Variants in CFAP47 observed in about 807,000 individuals in gnomAD.
CFAP47 encodes cilia- and flagella-associated protein 47.
A neutral mutation model predicts 148.1 loss-of-function variants in CFAP47; 29 were observed. That is an observed-to-expected ratio of 0.20 (90% CI 0.15 to 0.27). The LOEUF (loss-of-function observed/expected upper bound fraction) is 0.27, where lower values mean the gene tolerates loss of function less well. CFAP47 is among the 10% of genes least tolerant of loss of function. CFAP47 has a pLI of 1.00. For synonymous variants in CFAP47, 664 were observed against 577.3 expected, an observed-to-expected ratio of 1.15 and a Z score of -2.15; for missense variants, 1,872 against 1,697.5, an observed-to-expected ratio of 1.10 and a Z score of -1.81.
At chrX:36,230,409 T>C (rs1429845200) in intron 46 of CFAP47, among the ~76,000 whole-genome samples, 3 of 109,501 alleles carry the variant, frequency 2.7e-5, no homozygotes, top group Non-Finnish European at 5.7e-5. Context: ...AAATGTCTTC[T>C]TTTGAGAAGT....
intron 57 of CFAP47, among the ~76,000 whole-genome samples, chrX:36,326,332 A>AC (rs1569318192): frequency 6.9e-5 from 7 of 101,873 alleles, no homozygotes; most frequent in African/African-American, 2.8e-4. Context: ...CACACACACA[A>AC]ACGTGCTAGG....
intron 35 of CFAP47, among the ~76,000 whole-genome samples, chrX:36,141,708 A>G (rs970020742): frequency 2.7e-5 from 3 of 112,567 alleles, no homozygotes; most frequent in African/African-American, 9.7e-5. Flanking sequence ...ATAAAAAGAT[A>G]AAGCCAGACA....
At chrX:36,155,178 A>G (rs186707516) in intron 37 of CFAP47, among the ~76,000 whole-genome samples, 4 of 110,841 alleles carry the variant, frequency 3.6e-5, no homozygotes, top group Non-Finnish European at 7.6e-5. Context: ...TTGAGGTACC[A>G]TATCTTCATA....
At chrX:36,241,608 C>T (rs1555996033) in intron 48 of CFAP47, among the ~76,000 whole-genome samples, 1 of 111,919 alleles carries the variant, frequency 8.9e-6, no homozygotes, top group Non-Finnish European at 1.9e-5. Flanking sequence ...TGACCCCTAG[C>T]TGTGGGCCTG....
intron 33 of CFAP47, among the ~76,000 whole-genome samples, chrX:36,117,637 G>T (rs765740559): frequency 1.8e-5 from 2 of 111,643 alleles, no homozygotes; most frequent in Admixed American, 1.9e-4. Flanking sequence ...ATATATTCTG[G>T]TTATTAATCC....
chrX:36,046,873 C>A lies in CFAP47; in HGVS notation c.4027C>A (p.Gln1343Lys). 1 of 1,157,913 alleles carries A rather than the reference C, an allele frequency of 8.6e-7. No homozygotes were observed. The highest frequency in any genetic ancestry group is 1.2e-6 in the Non-Finnish European group (1 of 866,963). ...NYFRNSTLCVQIPTVRLLDGE... is the reference protein window; with the variant it reads ...NYFRNSTLCVKIPTVRLLDGE... ...AAACAGAAATTCAACTCTATGTGTC[C>A]AGATTCCCACAGTAAGGCTTCTTGA... Residue 1343 changes from glutamine to lysine, a missense_variant, in exon 26 of 64, where the codon CAG (glutamine) becomes AAG (lysine). Physicochemically the swap from Gln to Lys is moderately conservative, Grantham distance 53 (BLOSUM62 1). Transcript: ENST00000378653.
chrX:36,003,271 G>A (rs942686729), intron 21 of CFAP47, among the ~76,000 whole-genome samples: 1 of 108,620 alleles, frequency 9.2e-6, no homozygotes, highest in South Asian at 4.0e-4. Flanking sequence ...TTGCATTGTG[G>A]AATAAATCTC....
In CFAP47 at chrX:36,073,190, A is replaced by G; in HGVS notation, c.4517A>G (p.Glu1506Gly). 1 of 1,210,684 alleles carries G rather than the reference A, an allele frequency of 8.3e-7. No homozygotes were observed. Among genetic ancestry groups the G allele is most frequent in the Non-Finnish European group, 1.1e-6 (1 of 894,706 alleles). Residue 1506 changes from glutamate (E) to glycine (G), a missense_variant, in exon 29 of 64, where the codon GAG becomes GGG. Transcript: ENST00000378653. ...NLHLDESETSEEDHGSLEKEK... is the reference protein window; with the variant it reads ...NLHLDESETSGEDHGSLEKEK... The stretch of plus-strand genomic sequence containing the variant: ...CACTTGGATGAAAGTGAAACATCAG[A>G]GGAAGATCATGGGTCTCTGGAAAAG...
intron 33 of CFAP47, among the ~76,000 whole-genome samples, chrX:36,118,798 A>C (rs1194754694): frequency 8.9e-6 from 1 of 111,988 alleles, no homozygotes; most frequent in Non-Finnish European, 1.9e-5. Flanking sequence ...ATCTTTAGTT[A>C]AGGAAATTCC....
intron 61 of CFAP47, among the ~76,000 whole-genome samples, chrX:36,365,321 G>A (rs1941865432): frequency 9.1e-6 from 1 of 110,183 alleles, no homozygotes; most frequent in Non-Finnish European, 1.9e-5. Flanking sequence ...CCTATTGAAA[G>A]AACATTTTAA....
chrX:36,264,603 C>T (rs1281634712), intron 49 of CFAP47, among the ~76,000 whole-genome samples: 2 of 111,891 alleles, frequency 1.8e-5, no homozygotes, highest in African/African-American at 3.3e-5. Context: ...AGATGCTCTC[C>T]GCTCACTGCC....
chrX:36,325,640 G>A (rs1387116713), intron 57 of CFAP47, among the ~76,000 whole-genome samples: 1 of 110,708 alleles, frequency 9.0e-6, no homozygotes, highest in African/African-American at 3.3e-5. Context: ...GGGGACAAAG[G>A]TGTCAGCTCA....
rs751681019 is a variant in CFAP47, at chrX:36,098,794, G to A, written c.4918G>A (p.Ala1640Thr). The change falls in exon 31 of 64, where the codon GCT becomes ACT. Residue 1640 changes from alanine (A) to threonine (T), a missense_variant and splice_region_variant. Coordinates refer to ENST00000378653, the MANE Select transcript of CFAP47 (RefSeq NM_001304548.2). ...QHSSLLDFLN[A>T]QGGCISHVLP... ...TGAGTTTTTCTTTTTTAATTTTAGT[G>A]CTCAAGGAGGATGTATTTCACATGT... 21 of 1,155,111 alleles carry A rather than the reference G, an allele frequency of 1.8e-5. No individual in the cohort carries two copies. The highest frequency in any genetic ancestry group is 2.5e-5 in the Non-Finnish European group (21 of 851,678).
At chrX:36,173,427 G>T in intron 39 of CFAP47, among the ~76,000 whole-genome samples, 1 of 111,503 alleles carries the variant, frequency 9.0e-6, no homozygotes. Context: ...GCTTTCTCTT[G>T]TGGGCATTTA....
chrX:36,237,685 A>T (rs1163626945), intron 48 of CFAP47, among the ~76,000 whole-genome samples: 3 of 111,853 alleles, frequency 2.7e-5, no homozygotes, highest in Non-Finnish European at 5.6e-5. Flanking sequence ...TGGTTTGTTT[A>T]AACCAATCTT....
intron 24 of CFAP47, among the ~76,000 whole-genome samples, chrX:36,036,821 T>G (rs1299168313): frequency 9.0e-6 from 1 of 111,711 alleles, no homozygotes; most frequent in Non-Finnish European, 1.9e-5. Flanking sequence ...AAGTGTGCTC[T>G]CTCTCTCTCA....
At chrX:36,268,186 A>AGGTGAAGGT (rs1940917680) in intron 49 of CFAP47, among the ~76,000 whole-genome samples, 1 of 113,781 alleles carries the variant, frequency 8.8e-6, no homozygotes, top group African/African-American at 3.2e-5. Context: ...AATTTCTGGC[A>AGGTGAAGGT]TACAGCTGCA....
At chrX:35,987,813 A>C (rs1236933739) in intron 15 of CFAP47, among the ~76,000 whole-genome samples, 1 of 111,513 alleles carries the variant, frequency 9.0e-6, no homozygotes, top group Non-Finnish European at 1.9e-5. Flanking sequence ...GCTGGAACGC[A>C]CCATCCCTCA....
chrX:35,960,968 T>C (rs772139403), intron 8 of CFAP47, among the ~76,000 whole-genome samples: 9 of 112,090 alleles, frequency 8.0e-5, no homozygotes, highest in Admixed American at 5.7e-4. Context: ...TAGTCTCTTA[T>C]CAAGTTTCAT....
Sources: allele counts gnomAD v4.1 joint callset (sites outside exome capture counted in the v4.1 genomes callset), GRCh38; gene constraint gnomAD v4.1.1; transcripts MANE v1.5; gene names NCBI Gene and HGNC (gene_info 2026-07-23, HGNC 2026-07-21).